CSMD1: variants seen among roughly 807,000 people sequenced by gnomAD.
CSMD1 encodes the protein CUB and Sushi multiple domains 1.
CSMD1 carries 213 observed loss-of-function variants against 417.5 expected under a neutral mutation model. The observed-to-expected ratio is 0.51, with a 90% CI of 0.46 to 0.57. The LOEUF (loss-of-function observed/expected upper bound fraction) is 0.57, where lower values mean the gene tolerates loss of function less well. CSMD1 is among the 20% of genes least tolerant of loss of function. CSMD1 has a pLI of 0.00. For missense variants in CSMD1, 6,923 were observed against 4,529.7 expected, an observed-to-expected ratio of 1.53 and a Z score of -15.17; for synonymous variants, 2,862 against 1,736.8, an observed-to-expected ratio of 1.65 and a Z score of -16.11.
At chr8:4,327,758 A>T (rs2128888705) in intron 3 of CSMD1, among the ~76,000 whole-genome samples, 1 of 152,362 alleles carries the variant, frequency 6.6e-6, no homozygotes, top group South Asian at 2.1e-4. Context: ...TGTTACATAC[A>T]TTATTTTTAT....
chr8:4,283,286 T>C (rs1796890463), intron 3 of CSMD1, among the ~76,000 whole-genome samples: 1 of 152,220 alleles, frequency 6.6e-6, no homozygotes, highest in African/African-American at 2.4e-5. Flanking sequence ...TTTCCATCTG[T>C]GACATTTGAT....
intron 23 of CSMD1, among the ~76,000 whole-genome samples, chr8:3,321,025 G>T (rs1366629501): frequency 2.0e-5 from 3 of 152,144 alleles, no homozygotes; most frequent in Non-Finnish European, 4.4e-5. Context: ...CCTCGCTTTT[G>T]TATTTCCCAG....
chr8:4,017,070 G>C (rs921064386), intron 4 of CSMD1, among the ~76,000 whole-genome samples: 1 of 152,194 alleles, frequency 6.6e-6, no homozygotes, highest in Non-Finnish European at 1.5e-5. Flanking sequence ...CCGGAGGCAA[G>C]ACTTCAGAAT....
intron 2 of CSMD1, among the ~76,000 whole-genome samples, chr8:4,468,998 ACT>A (rs1247761917): frequency 7.9e-5 from 12 of 152,052 alleles, no homozygotes; most frequent in Non-Finnish European, 1.5e-5. Context: ...CTTATCAGAG[ACT>A]CTAAAAGGAA....
chr8:4,496,144 C>T (rs1055897092), intron 2 of CSMD1, among the ~76,000 whole-genome samples: 8 of 152,150 alleles, frequency 5.3e-5, no homozygotes, highest in African/African-American at 1.2e-4. Context: ...TTTGTCGACT[C>T]GCAATTCCTT....
chr8:3,188,760 T>C, intron 35 of CSMD1, 127 bp downstream of exon 35: 1 of 519,214 alleles, frequency 1.9e-6, no homozygotes, highest in Non-Finnish European at 2.9e-6. Flanking sequence ...AAATAACCAG[T>C]ATAAAAGGAA....
At chr8:4,227,470 T>A (rs1038806512) in intron 3 of CSMD1, among the ~76,000 whole-genome samples, 1 of 152,120 alleles carries the variant, frequency 6.6e-6, no homozygotes, top group African/African-American at 2.4e-5. Flanking sequence ...AAGAAAAGTT[T>A]CTGAGGAGTC....
At chr8:3,460,604 G>T (rs1049665064) in intron 12 of CSMD1, among the ~76,000 whole-genome samples, 69 of 152,274 alleles carry the variant, frequency 4.5e-4, no homozygotes, top group African/African-American at 1.5e-3. Flanking sequence ...AAGGGTAAGA[G>T]AATGAAGATA....
chr8:4,178,973 A>G (rs1328796992), intron 3 of CSMD1, among the ~76,000 whole-genome samples: 2 of 152,202 alleles, frequency 1.3e-5, no homozygotes, highest in Non-Finnish European at 2.9e-5. Context: ...GGGTAGGAAG[A>G]ATCAATATCG....
rs1300997179 is a variant in CSMD1 at position 3,616,731 on chromosome 8, C to G, written c.1076G>C (p.Arg359Thr). 6.2e-7 allele frequency: 1 copy of G among 1,612,030 alleles called. No individual in the cohort carries two copies. Among genetic ancestry groups the G allele is most frequent in the South Asian group, 1.1e-5 (1 of 90,980 alleles). The change falls in exon 8 of 70, where the codon AGA becomes ACA. Residue 359 changes from arginine to threonine, a missense_variant. Arg to Thr is a moderately conservative substitution (Grantham distance 71). Transcript: ENST00000635120. ...CPDPGIPENG[R>T]RAGSDFRVGA... Reference sequence around the variant, plus strand: ...TTACCTGAAGTCGGAACCTGCTCTTCTACCATTTTCTGGAATCCCAGGATC... The same window carrying G: ...TTACCTGAAGTCGGAACCTGCTCTTGTACCATTTTCTGGAATCCCAGGATC...
At chr8:4,704,266 C>T (rs1366640127) in intron 1 of CSMD1, among the ~76,000 whole-genome samples, 1 of 152,210 alleles carries the variant, frequency 6.6e-6, no homozygotes, top group Non-Finnish European at 1.5e-5. Context: ...CCCAAGTATA[C>T]TTGGAAAACA....
At chr8:4,677,999 G>C (rs17071024) in intron 1 of CSMD1, among the ~76,000 whole-genome samples, 14,945 of 152,234 alleles carry the variant, frequency 0.098, 764 homozygotes, top group Middle Eastern at 0.15. Flanking sequence ...GTCAGAGACA[G>C]TGATAAACAA....
At chr8:4,988,623 C>G (rs1427895922) in intron 1 of CSMD1, among the ~76,000 whole-genome samples, 3 of 152,098 alleles carry the variant, frequency 2.0e-5, no homozygotes, top group Non-Finnish European at 4.4e-5. Flanking sequence ...AGACAGGGTG[C>G]CTAATGGATG....
In CSMD1 at chr8:4,511,936, C is replaced by G. The variant is rs576175187; in HGVS notation, c.303-91871G>C. Among the ~76,000 whole-genome samples the G allele has an allele frequency of 5.9e-5, 9 of 152,212 alleles. No homozygotes were observed. The East Asian group carries it at 1.4e-3, about 23-fold the overall frequency. ...TTGCAGAGCATTTCATTCTTCCTAA[C>G]AAGATAGGCCCACATTACCCTAACA... On this transcript the variant is annotated intron_variant, in intron 2 of 69. Coordinates refer to ENST00000635120, the MANE Select transcript of CSMD1 (RefSeq NM_033225.6).
At chr8:3,053,739 C>T (rs967251329) in intron 49 of CSMD1, among the ~76,000 whole-genome samples, 12 of 152,208 alleles carry the variant, frequency 7.9e-5, no homozygotes, top group East Asian at 1.9e-4. Flanking sequence ...AATTCTCAAA[C>T]GATTACATGT....
At chr8:3,546,436 T>A (rs1798667591) in intron 10 of CSMD1, among the ~76,000 whole-genome samples, 1 of 151,734 alleles carries the variant, frequency 6.6e-6, no homozygotes, top group African/African-American at 2.4e-5. Context: ...CTTGGGAGGC[T>A]GAGGCAGGAG....
chr8:3,744,331 T>C (rs1241221932), intron 6 of CSMD1, among the ~76,000 whole-genome samples: 1 of 152,116 alleles, frequency 6.6e-6, no homozygotes, highest in Non-Finnish European at 1.5e-5. Context: ...CTGCCTGTGA[T>C]ACCCTGTGGG....
rs1449157559 is a variant in CSMD1, at chr8:3,524,965, C to G, written c.1345-31239G>C. ...ATGTTTCTAAAAAGCACACTGTACA[C>G]TCATTAGGCACCCCAGGAAAAATGA... is the stretch of plus-strand genomic sequence containing the variant. On this transcript the variant is annotated intron_variant, in intron 10 of 69. Coordinates refer to ENST00000635120, the MANE Select transcript of CSMD1 (RefSeq NM_033225.6). 2.0e-5 allele frequency among the ~76,000 whole-genome samples: 3 copies of G among 152,128 alleles called. No homozygotes were observed. In the South Asian group the frequency reaches 6.2e-4, roughly 32 times the overall value.
intron 26 of CSMD1, among the ~76,000 whole-genome samples, chr8:3,255,840 T>C (rs548425494): frequency 6.6e-6 from 1 of 152,170 alleles, no homozygotes; most frequent in Non-Finnish European, 1.5e-5. Context: ...CTCATCCTGC[T>C]TTGGCTCACA....
Sources: gnomAD v4.1 joint callset for allele counts (sites outside exome capture counted in the v4.1 genomes callset) on GRCh38, gnomAD v4.1.1 for gene constraint, MANE v1.5 for transcripts, NCBI Gene and HGNC (gene_info 2026-07-23, HGNC 2026-07-21) for gene names.